Variants in CDH12 observed in about 807,000 individuals in gnomAD.
The protein encoded by CDH12 is cadherin-12.
Under a neutral mutation model 74.1 loss-of-function variants are expected in CDH12, and 41 were observed. That is an observed-to-expected ratio of 0.55 (90% confidence interval 0.43 to 0.72). The LOEUF (loss-of-function observed/expected upper bound fraction) is 0.72, where lower values mean the gene tolerates loss of function less well. Ranked by LOEUF, CDH12 falls within the 30% of genes least tolerant of loss-of-function variation. The pLI is 0.00. For synonymous variants in CDH12, 399 were observed against 355.0 expected (o/e 1.12, Z -1.39); for missense variants, 945 against 977.2 (o/e 0.97, Z 0.44).
intron 4 of CDH12, among the ~76,000 whole-genome samples, chr5:22,110,830 G>A (rs149522497): frequency 6.6e-6 from 1 of 152,058 alleles, no homozygotes; most frequent in Non-Finnish European, 1.5e-5. Context: ...TACAAAGGCG[G>A]TTCAGTTTTG....
intron 4 of CDH12, among the ~76,000 whole-genome samples, chr5:22,154,584 T>C (rs12055135): frequency 0.39 from 58,142 of 147,762 alleles, 12,625 homozygotes; most frequent in East Asian, 0.73. Context: ...TATATGTATA[T>C]GTGTACACAT....
intron 1 of CDH12, among the ~76,000 whole-genome samples, chr5:22,752,810 G>A (rs961587288): frequency 6.6e-6 from 1 of 151,500 alleles, no homozygotes; most frequent in Non-Finnish European, 1.5e-5. Context: ...TCCTGACCTC[G>A]TGATCCGCCC....
chr5:21,949,228 A>T (rs187010616), intron 6 of CDH12, among the ~76,000 whole-genome samples: 32 of 152,222 alleles, frequency 2.1e-4, no homozygotes, highest in African/African-American at 6.7e-4. Flanking sequence ...AGGCGGGCAG[A>T]TCACGAGGTC....
chr5:22,826,747 C>T (rs115055714), intron 1 of CDH12, among the ~76,000 whole-genome samples: 1,864 of 152,186 alleles, frequency 0.012, 46 homozygotes, highest in African/African-American at 0.044. Flanking sequence ...TTGTTGAAAT[C>T]TGAGATTGAG....
intron 9 of CDH12, among the ~76,000 whole-genome samples, chr5:21,808,988 A>C (rs563889489): frequency 1.3e-5 from 2 of 152,188 alleles, no homozygotes; most frequent in Admixed American, 1.3e-4. Flanking sequence ...CTTATAAGAA[A>C]CATATAATTA....
At chr5:22,124,153 T>G (rs1745694178) in intron 4 of CDH12, among the ~76,000 whole-genome samples, 1 of 151,322 alleles carries the variant, frequency 6.6e-6, no homozygotes, top group Admixed American at 6.6e-5. Flanking sequence ...TTATTATTAT[T>G]TTATTTTATT....
intron 6 of CDH12, among the ~76,000 whole-genome samples, chr5:21,957,118 T>C (rs573381683): frequency 2.6e-4 from 40 of 152,294 alleles, no homozygotes; most frequent in Admixed American, 8.5e-4. Flanking sequence ...TTTGTGTCCA[T>C]GTGTTCTCAT....
Position 21,791,932 on chromosome 5 carries a change from A to G in CDH12, c.1257-8438T>C, listed in dbSNP as rs145136993. Among the ~76,000 whole-genome samples, 1,312 of 152,050 alleles carry G rather than the reference A, an allele frequency of 8.6e-3. 4 individuals carry two copies. The highest frequency in any genetic ancestry group is 0.014 in the Non-Finnish European group (943 of 67,880). On this transcript the variant is annotated intron_variant, in intron 10 of 14. Transcript: ENST00000382254. ...TGACCCTGCCCCAGTTCTCAACTAC[A>G]TGTGTAAAAGGAACTTGATGGTACC...
At chr5:22,042,552 AT>A (rs1383515547) in intron 5 of CDH12, among the ~76,000 whole-genome samples, 3 of 152,180 alleles carry the variant, frequency 2.0e-5, no homozygotes, top group Non-Finnish European at 4.4e-5. Flanking sequence ...GAACAATTAT[AT>A]ACCAACAAAT....
At chr5:21,941,035 A>T (rs1755307080) in intron 6 of CDH12, among the ~76,000 whole-genome samples, 1 of 152,226 alleles carries the variant, frequency 6.6e-6, no homozygotes, top group African/African-American at 2.4e-5. Context: ...CAAGCTTTGA[A>T]TATTCTTTTT....
intron 5 of CDH12, among the ~76,000 whole-genome samples, chr5:21,986,213 A>T (rs1448536969): frequency 6.6e-6 from 1 of 152,192 alleles, no homozygotes; most frequent in African/African-American, 2.4e-5. Context: ...AAGAAAAAAG[A>T]ATATTTGCAA....
intron 2 of CDH12, among the ~76,000 whole-genome samples, chr5:22,477,435 G>T (rs1347031551): frequency 6.6e-6 from 1 of 152,134 alleles, no homozygotes; most frequent in East Asian, 1.9e-4. Flanking sequence ...TTTTATGGCT[G>T]CGTAGTATTT....
At chr5:21,986,903 T>G (rs1040549929) in intron 5 of CDH12, among the ~76,000 whole-genome samples, 1 of 152,100 alleles carries the variant, frequency 6.6e-6, no homozygotes, top group Non-Finnish European at 1.5e-5. Context: ...ACCACTGATA[T>G]GCTATCATGA....
intron 1 of CDH12, among the ~76,000 whole-genome samples, chr5:22,691,498 C>A (rs958276730): frequency 1.3e-5 from 2 of 152,154 alleles, no homozygotes; most frequent in East Asian, 3.9e-4. Context: ...CATCATAATA[C>A]CTAACTGAAA....
intron 1 of CDH12, among the ~76,000 whole-genome samples, chr5:22,751,235 T>C (rs1745554822): frequency 6.6e-6 from 1 of 151,004 alleles, no homozygotes; most frequent in African/African-American, 2.4e-5. Flanking sequence ...ATGGGACTTA[T>C]CGCATATCTG....
chr5:21,754,450 C>T lies in CDH12; in HGVS notation c.1885+1141G>A, dbSNP rs115615698. The stretch of plus-strand genomic sequence containing the variant: ...AATGTGTCCTTAAGGTTTATATTAA[C>T]ACAAAAGATGCCAGGGATAATTTAT... On this transcript the variant is annotated intron_variant, in intron 14 of 14. Transcript: ENST00000382254. Among the ~76,000 whole-genome samples, 1,103 of 152,212 alleles carry T rather than the reference C, an allele frequency of 7.2e-3. 13 individuals carry two copies. Among genetic ancestry groups the T allele is most frequent in the African/African-American group, 0.026 (1,071 of 41,556 alleles).
intron 3 of CDH12, among the ~76,000 whole-genome samples, chr5:22,393,653 G>C (rs1322086630): frequency 2.6e-5 from 4 of 152,160 alleles, no homozygotes; most frequent in African/African-American, 7.2e-5. Context: ...AAGAGACTTG[G>C]TAGAAATATG....
intron 2 of CDH12, among the ~76,000 whole-genome samples, chr5:22,463,288 A>G (rs559127195): frequency 6.6e-6 from 1 of 152,314 alleles, no homozygotes; most frequent in Non-Finnish European, 1.5e-5. Context: ...CGTACATATG[A>G]AACAATCAAT....
In CDH12 at chr5:22,251,561, A is replaced by G. The variant is rs183775915; in HGVS notation, c.-332-38918T>C. ...AACTTCTCTGTGCCTCACTTCCCTT[A>G]TCTGTAAAGCAGGGATGATAAAAAT... On this transcript the variant is annotated intron_variant, in intron 3 of 14. Transcript: ENST00000382254. Among the ~76,000 whole-genome samples, 1,024 of 152,310 alleles carry G rather than the reference A, an allele frequency of 6.7e-3. 19 individuals are homozygous for G. The highest frequency in any genetic ancestry group is 7.0e-3 in the Non-Finnish European group (476 of 68,008).
Sources: gnomAD v4.1 joint callset for allele counts (sites outside exome capture counted in the v4.1 genomes callset) on GRCh38, gnomAD v4.1.1 for gene constraint, MANE v1.5 for transcripts, NCBI Gene and HGNC (gene_info 2026-07-23, HGNC 2026-07-21) for gene names.